Variants in GRID2 observed in about 807,000 individuals in gnomAD.
GRID2 encodes glutamate ionotropic receptor delta type subunit 2, also known as glutamate receptor ionotropic, delta-2.
A neutral mutation model predicts 114.8 loss-of-function variants in GRID2; 33 were observed. The ratio of observed to expected loss-of-function variants is 0.29; its 90% CI spans 0.22 to 0.38. The LOEUF is 0.38. GRID2 is among the 10% of genes least tolerant of loss of function. The pLI, the probability that GRID2 is intolerant of heterozygous loss-of-function variation, is 1.00. For synonymous variants in GRID2, 505 were observed against 449.9 expected (o/e 1.12, Z -1.55); for missense variants, 1,184 against 1,257.7 (o/e 0.94, Z 0.89).
intron 2 of GRID2, among the ~76,000 whole-genome samples, chr4:93,050,758 A>G (rs1293730607): frequency 2.6e-5 from 4 of 152,066 alleles, no homozygotes; most frequent in Non-Finnish European, 4.4e-5. Flanking sequence ...AGGTATGACA[A>G]AAGTACTATC....
chr4:92,734,796 T>C (rs1182596553), intron 2 of GRID2, among the ~76,000 whole-genome samples: 2 of 150,544 alleles, frequency 1.3e-5, no homozygotes, highest in Non-Finnish European at 3.0e-5. Context: ...TTTTTTTTTC[T>C]GGAGACATGT....
chr4:93,629,171 T>G (rs1474063203), intron 14 of GRID2, among the ~76,000 whole-genome samples: 1 of 148,648 alleles, frequency 6.7e-6, no homozygotes, highest in Non-Finnish European at 1.5e-5. Flanking sequence ...AGCCCTGCAG[T>G]GCTTTACCTA....
intron 1 of GRID2, among the ~76,000 whole-genome samples, chr4:92,505,115 A>G (rs573697714): frequency 7.9e-5 from 12 of 152,154 alleles, no homozygotes; most frequent in African/African-American, 2.9e-4. Flanking sequence ...TACATAAACC[A>G]TAGTGGCTTT....
At chr4:93,452,930 G>T in intron 10 of GRID2, among the ~76,000 whole-genome samples, 1 of 150,778 alleles carries the variant, frequency 6.6e-6, no homozygotes, top group Admixed American at 6.6e-5. Context: ...GGGTACATGT[G>T]CACAATGTGC....
intron 11 of GRID2, among the ~76,000 whole-genome samples, chr4:93,479,351 T>A (rs986084348): frequency 6.6e-6 from 1 of 152,006 alleles, no homozygotes; most frequent in African/African-American, 2.4e-5. Context: ...TGCAATAAAG[T>A]GAAATTCAAT....
At chr4:92,552,537 T>C (rs1180952939) in intron 1 of GRID2, among the ~76,000 whole-genome samples, 1 of 152,032 alleles carries the variant, frequency 6.6e-6, no homozygotes, top group Non-Finnish European at 1.5e-5. Context: ...ATTAGTAAAA[T>C]CCATGATGGC....
intron 2 of GRID2, among the ~76,000 whole-genome samples, chr4:92,788,445 AAAGT>A (rs529240993): frequency 3.9e-5 from 6 of 152,054 alleles, no homozygotes; most frequent in African/African-American, 7.2e-5. Context: ...GCTGCTAAAG[AAAGT>A]AAGGAGTGAA....
intron 4 of GRID2, chr4:93,164,825 A>G: frequency 2.8e-6 from 1 of 353,570 alleles, no homozygotes; most frequent in Non-Finnish European, 6.0e-6. Context: ...CAATTGGAGT[A>G]AATAAAGTAA....
At chr4:92,394,218 C>T (rs1730385851) in intron 1 of GRID2, among the ~76,000 whole-genome samples, 1 of 151,950 alleles carries the variant, frequency 6.6e-6, no homozygotes, top group African/African-American at 2.4e-5. Flanking sequence ...TCTGCAATTC[C>T]ACTTTTTATA....
chr4:92,682,681 G>T (rs1183259446), intron 2 of GRID2, among the ~76,000 whole-genome samples: 1 of 108,022 alleles, frequency 9.3e-6, no homozygotes, highest in Non-Finnish European at 1.9e-5. Flanking sequence ...AAAATCGCAG[G>T]GCACACACAC....
intron 3 of GRID2, among the ~76,000 whole-genome samples, chr4:93,104,139 A>G (rs1731970955): frequency 6.6e-6 from 1 of 152,108 alleles, no homozygotes; most frequent in African/African-American, 2.4e-5. Context: ...AACAAGTGGT[A>G]TTTGGACAAG....
chr4:92,821,245 T>C (rs1741262018), intron 2 of GRID2, among the ~76,000 whole-genome samples: 2 of 152,118 alleles, frequency 1.3e-5, no homozygotes, highest in Admixed American at 1.3e-4. Context: ...TACAAAAATA[T>C]GTGGAGCAAA....
At chr4:93,781,311 T>C (rs1446218396) in intron 1 of GRID2, among the ~76,000 whole-genome samples, 2 of 152,014 alleles carry the variant, frequency 1.3e-5, no homozygotes, top group African/African-American at 4.8e-5. Flanking sequence ...GCTCAAGATT[T>C]ATGGGGATGC....
chr4:93,688,344 C>T (rs1477562771), intron 14 of GRID2, among the ~76,000 whole-genome samples: 1 of 151,866 alleles, frequency 6.6e-6, no homozygotes, highest in Non-Finnish European at 1.5e-5. Flanking sequence ...GTTATAGCCT[C>T]ACTGCTACTT....
chr4:92,708,902 A>C (rs1055562728), intron 2 of GRID2, among the ~76,000 whole-genome samples: 8 of 152,100 alleles, frequency 5.3e-5, no homozygotes, highest in African/African-American at 1.9e-4. Flanking sequence ...CGGCAACAAG[A>C]GTGAAACTCC....
chr4:93,611,615 T>A (rs2149663746), intron 13 of GRID2, among the ~76,000 whole-genome samples: 1 of 135,760 alleles, frequency 7.4e-6, no homozygotes, highest in Non-Finnish European at 1.5e-5. Context: ...TTCCATGTAG[T>A]TGAGCGGCTT....
chr4:92,532,145 G>A (rs1231866065), intron 1 of GRID2, among the ~76,000 whole-genome samples: 1 of 152,114 alleles, frequency 6.6e-6, no homozygotes, highest in African/African-American at 2.4e-5. Context: ...AGTGGGATAT[G>A]TTCATGTAGT....
At chr4:93,276,493 G>A (rs542751807) in intron 8 of GRID2, among the ~76,000 whole-genome samples, 2 of 152,020 alleles carry the variant, frequency 1.3e-5, no homozygotes, top group South Asian at 4.1e-4. Context: ...TTTTGATGGG[G>A]ATTGTGTTGA....
At chr4:92,820,137 G>C (rs894974613) in intron 2 of GRID2, among the ~76,000 whole-genome samples, 2 of 152,138 alleles carry the variant, frequency 1.3e-5, no homozygotes, top group Non-Finnish European at 2.9e-5. Flanking sequence ...ACAGCCCTGA[G>C]ACATGGGAAT....
Sources: allele counts gnomAD v4.1 joint callset (sites outside exome capture counted in the v4.1 genomes callset), GRCh38; gene constraint gnomAD v4.1.1; transcripts MANE v1.5; gene names NCBI Gene and HGNC (gene_info 2026-07-23, HGNC 2026-07-21).